The following LRRC37A2 variants were observed in gnomAD, a reference collection of about 807,000 sequenced individuals.
LRRC37A2 encodes leucine-rich repeat-containing protein 37A2.
In LRRC37A2, 9 loss-of-function variants were observed where a neutral mutation model predicts 68.8. The observed-to-expected ratio is 0.13, with a 90% CI of 0.08 to 0.23. The LOEUF is 0.23. Ranked by LOEUF, LRRC37A2 falls within the 10% of genes least tolerant of loss-of-function variation. The pLI is 1.00. For missense variants in LRRC37A2, 168 were observed against 950.4 expected (o/e 0.18, Z 10.82); for synonymous variants, 63 against 367.6 (o/e 0.17, Z 9.48).
chr17:47,000,069 T>TAAAATAAAATAAAATAAAATAAAATA, the LRRC37A2 span, among the ~76,000 whole-genome samples: 9 of 25,626 alleles, frequency 3.5e-4, no homozygotes, highest in East Asian at 4.0e-3. Context: ...AAAATTAAAA[T>TAAAATAAAATAAAATAAAATAAAATA]AAAATAAAAA....
chr17:46,842,258 G>A, the LRRC37A2 span, among the ~76,000 whole-genome samples: 1 of 152,218 alleles, frequency 6.6e-6, no homozygotes, highest in Non-Finnish European at 1.5e-5. Context: ...TATTGGTCAG[G>A]AGAGCCTTCC....
chr17:46,609,938 C>T, the LRRC37A2 span, among the ~76,000 whole-genome samples: 7 of 143,668 alleles, frequency 4.9e-5, no homozygotes, highest in East Asian at 1.9e-4. Flanking sequence ...CCTCTCACCT[C>T]AGCCCCCTGA....
the LRRC37A2 span, among the ~76,000 whole-genome samples, chr17:46,497,430 T>C: frequency 6.9e-6 from 1 of 144,182 alleles, no homozygotes; most frequent in African/African-American, 2.7e-5. Context: ...TGTTATGTTT[T>C]ATTAATTGGC....
At chr17:46,770,757 T>G in the LRRC37A2 span, among the ~76,000 whole-genome samples, 1 of 151,838 alleles carries the variant, frequency 6.6e-6, no homozygotes, top group African/African-American at 2.4e-5. Context: ...TGTCCCAGGG[T>G]CCAGCGCAGG....
chr17:46,525,645 A>G lies in LRRC37A2; in HGVS notation c.2906+1761A>G, dbSNP rs1194546982. On this transcript the variant is annotated intron_variant, in intron 6 of 14. Coordinates refer to ENST00000576629, the Ensembl canonical transcript of LRRC37A2. ...CATCATCATCATCATCATCATCATC[A>G]TCTAGCCAGCTTCACTACAATTATG... Among the ~76,000 whole-genome samples the G allele has an allele frequency of 3.3e-5, 4 of 122,034 alleles. 1 individual carries two copies. Among genetic ancestry groups the G allele is most frequent in the African/African-American group, 1.1e-4 (4 of 34,840 alleles). 80.1% of individuals were successfully genotyped at this position (122,034 alleles called of 152,430 possible).
chr17:46,852,824 C>T, the LRRC37A2 span, among the ~76,000 whole-genome samples: 2 of 151,938 alleles, frequency 1.3e-5, no homozygotes, highest in East Asian at 1.9e-4. Context: ...GAAGAAGTAG[C>T]CAGGGAGAGG....
chr17:46,951,803 C>G, the LRRC37A2 span, among the ~76,000 whole-genome samples: 1 of 152,158 alleles, frequency 6.6e-6, no homozygotes, highest in Non-Finnish European at 1.5e-5. Flanking sequence ...GGAGAACACA[C>G]AGGGCCCTCT....
At chr17:46,793,265 C>A in the LRRC37A2 span, among the ~76,000 whole-genome samples, 20 of 94,666 alleles carry the variant, frequency 2.1e-4, no homozygotes, top group East Asian at 6.6e-3. Context: ...CAGAGTGAGA[C>A]CCTGTCTAAA....
chr17:46,458,505 A>G, the LRRC37A2 span, among the ~76,000 whole-genome samples: 1 of 87,156 alleles, frequency 1.1e-5, no homozygotes, highest in Non-Finnish European at 2.8e-5. Context: ...GAAGCTGGGA[A>G]ATCTCCTATG....
chr17:46,551,433 C>T (rs1239065528), intron 11 of LRRC37A2, among the ~76,000 whole-genome samples: 1 of 149,420 alleles, frequency 6.7e-6, no homozygotes, highest in African/African-American at 2.6e-5. Context: ...CCCTCCATTC[C>T]AGCCACAGCA....
At chr17:46,774,018 C>T in the LRRC37A2 span, 1 of 1,470,736 alleles carries the variant, frequency 6.8e-7, no homozygotes, top group South Asian at 1.2e-5. Context: ...GGCAGAGGGC[C>T]TGTGCCCTGG....
chr17:47,029,353 C>T, the LRRC37A2 span, among the ~76,000 whole-genome samples: 20 of 152,136 alleles, frequency 1.3e-4, no homozygotes, highest in Middle Eastern at 3.2e-3. Flanking sequence ...TACTCTTCTA[C>T]CATAATTGCA....
the LRRC37A2 span, among the ~76,000 whole-genome samples, chr17:46,724,366 T>C: frequency 1.0e-3 from 152 of 152,332 alleles, 1 homozygote; most frequent in African/African-American, 3.6e-3. Context: ...GACAGTGAGT[T>C]CTGTTCATTA....
chr17:46,923,513 T>C, the LRRC37A2 span: 1 of 1,379,402 alleles, frequency 7.2e-7, no homozygotes, highest in Non-Finnish European at 9.3e-7. Flanking sequence ...CTGCAGGTTA[T>C]AAAACTTTGT....
chr17:46,853,363 CTTTTTT>C, the LRRC37A2 span, among the ~76,000 whole-genome samples: 10 of 78,906 alleles, frequency 1.3e-4, no homozygotes, highest in South Asian at 5.9e-4. Context: ...ATGCTAGTGA[CTTTTTT>C]TTTTTTTTTT....
chr17:47,018,944 A>T, the LRRC37A2 span: 8 of 1,519,756 alleles, frequency 5.3e-6, no homozygotes, highest in Admixed American at 1.3e-4. Context: ...AACTTCGAAT[A>T]TATCAAGGGG....
At chr17:46,843,957 A>AT in the LRRC37A2 span, among the ~76,000 whole-genome samples, 2 of 152,068 alleles carry the variant, frequency 1.3e-5, no homozygotes, top group Non-Finnish European at 2.9e-5. Flanking sequence ...CTTTATTATT[A>AT]TTTTTTCTAA....
At chr17:46,863,486 C>A in the LRRC37A2 span, among the ~76,000 whole-genome samples, 4 of 152,116 alleles carry the variant, frequency 2.6e-5, no homozygotes, top group Non-Finnish European at 5.9e-5. Context: ...CCATGCGGAA[C>A]TGATGGTACT....
the LRRC37A2 span, among the ~76,000 whole-genome samples, chr17:46,770,631 C>G: frequency 1.3e-5 from 2 of 152,206 alleles, no homozygotes; most frequent in Non-Finnish European, 2.9e-5. Flanking sequence ...GAGCCCCTCA[C>G]CAGGAGGGCA....
Sources: allele counts gnomAD v4.1 joint callset (sites outside exome capture counted in the v4.1 genomes callset), GRCh38; gene constraint gnomAD v4.1.1; transcripts MANE v1.5; gene names NCBI Gene and HGNC (gene_info 2026-07-23, HGNC 2026-07-21).